Variants in CCDC38 observed in about 807,000 individuals in gnomAD.
CCDC38 encodes coiled-coil domain-containing protein 38.
In CCDC38, 69 loss-of-function variants were observed where a neutral mutation model predicts 72.8. The ratio of observed to expected loss-of-function variants is 0.95; its 90% CI spans 0.78 to 1.16. The LOEUF (loss-of-function observed/expected upper bound fraction) is 1.16. Ranked by LOEUF, CCDC38 falls within the 50% of genes most tolerant of loss-of-function variation. CCDC38 has a pLI of 0.00. For missense variants in CCDC38, 626 were observed against 638.9 expected (o/e 0.98, Z 0.22); for synonymous variants, 201 against 213.2 (o/e 0.94, Z 0.50).
At chr12:95,919,040 A>C (rs2080175862) in intron 2 of CCDC38, 64 bp from the exon 3 acceptor site, 1 of 1,016,684 alleles carries the variant, frequency 9.8e-7, no homozygotes, top group Non-Finnish European at 1.5e-6. Context: ...CCAGAATAGT[A>C]AGTCTCCCAC....
At position 95,878,308 on chromosome 12, in the gene CCDC38, A is replaced by C. The variant is rs138096831; in HGVS notation, c.1181T>G (p.Met394Arg). Residue 394 changes from methionine to arginine, a missense_variant, in exon 13 of 16, where the codon ATG becomes AGG. By Grantham distance (91) the Met-to-Arg change is moderately conservative. Coordinates refer to ENST00000344280, the MANE Select transcript of CCDC38 (RefSeq NM_182496.3). The stretch of plus-strand genomic sequence containing the variant: ...TTCTCTCACACAGTTAGCTTTAAGC[A>C]TTTTTTCTTGCTCCAAAAGAAACTC... The part of the protein sequence containing the change: ...NIEFLLEQEK[M>R]LKANCVREEE... 3.5e-5 allele frequency: 57 copies of C among 1,613,314 alleles called. No individual in the cohort carries two copies. The highest frequency in any genetic ancestry group is 4.7e-5 in the Non-Finnish European group (55 of 1,179,736).
At chr12:95,897,962 G>A (rs2079908870) in intron 7 of CCDC38, among the ~76,000 whole-genome samples, 2 of 152,050 alleles carry the variant, frequency 1.3e-5, no homozygotes, top group South Asian at 4.1e-4. Flanking sequence ...CATGATGACT[G>A]TAAGATGATC....
chr12:95,936,556 A>G lies in CCDC38; in HGVS notation c.-14-33T>C. The G allele has an allele frequency of 2.5e-6, 4 of 1,579,722 alleles. No individual in the cohort carries two copies. The South Asian group carries it at 4.5e-5, about 18-fold the overall frequency. On this transcript the variant is annotated intron_variant, in intron 1 of 15. Transcript: ENST00000344280. ...AAGAAAAAAAAATACGTTTTTTAAA[A>G]ATTCTATGAACATCATATAAAAGGG...
intron 2 of CCDC38, among the ~76,000 whole-genome samples, chr12:95,921,640 T>C (rs897834641): frequency 5.3e-5 from 8 of 152,084 alleles, no homozygotes; most frequent in Admixed American, 3.9e-4. Context: ...TACGGGTCCC[T>C]CCTTTGACAT....
At chr12:95,934,839 T>C (rs1215146711) in intron 2 of CCDC38, 1 of 152,072 alleles carries the variant, frequency 6.6e-6, no homozygotes, top group East Asian at 1.9e-4. Flanking sequence ...GGAAAACCCG[T>C]CTCTACTAAA....
intron 2 of CCDC38, among the ~76,000 whole-genome samples, chr12:95,925,766 G>A (rs1489614627): frequency 6.6e-6 from 1 of 151,864 alleles, no homozygotes; most frequent in African/African-American, 2.4e-5. Flanking sequence ...GTTGAATTTT[G>A]TCAAAGGTCT....
At chr12:95,931,138 G>C (rs950458694) in intron 2 of CCDC38, among the ~76,000 whole-genome samples, 3 of 152,148 alleles carry the variant, frequency 2.0e-5, no homozygotes, top group Non-Finnish European at 2.9e-5. Flanking sequence ...CATAAAATCA[G>C]GATGTTGATA....
chr12:95,894,931 C>G, intron 8 of CCDC38, 58 bp downstream of exon 8: 1 of 1,322,994 alleles, frequency 7.6e-7, no homozygotes, highest in Non-Finnish European at 1.0e-6. Flanking sequence ...AACATTGAAG[C>G]AGATGATTTT....
At position 95,888,503 on chromosome 12, in the gene CCDC38, T is replaced by C; in HGVS notation, c.875A>G (p.Lys292Arg). Residue 292 changes from lysine to arginine, a missense_variant, in exon 10 of 16, where the codon AAG (lysine) becomes AGG (arginine). Transcript: ENST00000344280. ...DASQGRDSQGKPSRSLTRTPE... is the reference protein window; with the variant it reads ...DASQGRDSQGRPSRSLTRTPE... ...AGTGCGAGTCAGGCTTCTGCTTGGC[T>C]TTCCTGTTCAAAATGTCCAGGTGAG... 1 of 1,614,114 alleles carries C rather than the reference T, an allele frequency of 6.2e-7. No individual in the cohort carries two copies. Among genetic ancestry groups the C allele is most frequent in the Non-Finnish European group, 8.5e-7 (1 of 1,180,016 alleles).
intron 2 of CCDC38, among the ~76,000 whole-genome samples, chr12:95,929,173 G>A (rs375636195): frequency 8.3e-4 from 126 of 152,314 alleles, no homozygotes; most frequent in East Asian, 2.5e-3. Context: ...TCAGACTGCC[G>A]TGCTAGCAAT....
At chr12:95,914,622 T>C (rs1469051889) in intron 4 of CCDC38, among the ~76,000 whole-genome samples, 1 of 152,208 alleles carries the variant, frequency 6.6e-6, no homozygotes, top group African/African-American at 2.4e-5. Flanking sequence ...CAAAATGAAC[T>C]ATTCCTTAGT....
rs145811169 is a variant in CCDC38, at chr12:95,917,219, G to A, written c.214C>T (p.Leu72=). ...FSSRMKSHSY[L]SQLAFYPKRS... is the part of the protein sequence containing the mutation. Reference sequence around the variant, plus strand: ...TTAGGGTAGAAAGCTAGTTGGCTCAGGTATGAATGACTCTTCATTCTGGAT... The same window carrying A: ...TTAGGGTAGAAAGCTAGTTGGCTCAAGTATGAATGACTCTTCATTCTGGAT... The change falls in exon 4 of 16, where the codon CTG becomes TTG. Residue 72 remains leucine, a synonymous_variant. Transcript: ENST00000344280. 1.2e-6 allele frequency: 2 copies of A among 1,610,080 alleles called. No homozygotes were observed. Among genetic ancestry groups the A allele is most frequent in the East Asian group, 4.5e-5 (2 of 44,544 alleles).
chr12:95,924,788 A>T (rs1012848316), intron 2 of CCDC38, among the ~76,000 whole-genome samples: 1 of 147,458 alleles, frequency 6.8e-6, no homozygotes, highest in African/African-American at 2.5e-5. Flanking sequence ...ACCATTTATT[A>T]AATAGGGAAT....
chr12:95,870,303 T>G (rs573266242), intron 14 of CCDC38, among the ~76,000 whole-genome samples: 1 of 152,160 alleles, frequency 6.6e-6, no homozygotes, highest in East Asian at 1.9e-4. Flanking sequence ...TTTGTCATAC[T>G]CTCTTTAGGG....
chr12:95,884,015 TTC>T (rs747432973), intron 10 of CCDC38, among the ~76,000 whole-genome samples: 2 of 152,194 alleles, frequency 1.3e-5, no homozygotes, highest in African/African-American at 2.4e-5. Context: ...ACTGAATCCT[TTC>T]AAGACTGGGA....
chr12:95,939,251 T>C (rs1282670565), intron 1 of CCDC38, among the ~76,000 whole-genome samples: 1 of 152,028 alleles, frequency 6.6e-6, no homozygotes, highest in Non-Finnish European at 1.5e-5. Flanking sequence ...AGGACACCAG[T>C]GGGCCTTAAA....
intron 4 of CCDC38, among the ~76,000 whole-genome samples, chr12:95,909,159 T>G (rs922416288): frequency 2.6e-5 from 4 of 151,730 alleles, no homozygotes; most frequent in Non-Finnish European, 5.9e-5. Flanking sequence ...ACTAGCTAGA[T>G]TAACAAAGAA....
intron 2 of CCDC38, among the ~76,000 whole-genome samples, chr12:95,931,968 T>G (rs1372109425): frequency 1.3e-5 from 2 of 152,066 alleles, no homozygotes; most frequent in Non-Finnish European, 2.9e-5. Context: ...GGATCATCTC[T>G]TGTGTGTGTT....
At chr12:95,907,685 G>A (rs1292486334) in intron 4 of CCDC38, among the ~76,000 whole-genome samples, 13 of 143,086 alleles carry the variant, frequency 9.1e-5, no homozygotes, top group East Asian at 2.0e-4. Context: ...CTTCTCAGAC[G>A]GGGCGGCTGC....
Sources: allele counts gnomAD v4.1 joint callset (sites outside exome capture counted in the v4.1 genomes callset), GRCh38; gene constraint gnomAD v4.1.1; transcripts MANE v1.5; gene names NCBI Gene and HGNC (gene_info 2026-07-23, HGNC 2026-07-21).